RGS11: variants seen among roughly 807,000 people sequenced by gnomAD.
The protein encoded by RGS11 is regulator of G-protein signaling 11.
A neutral mutation model predicts 71.1 loss-of-function variants in RGS11; 86 were observed. The ratio of observed to expected loss-of-function variants is 1.21; its 90% CI spans 1.02 to 1.45. The LOEUF is 1.45. Among genes scored for constraint, RGS11 ranks in the 40% most tolerant of loss-of-function variants. RGS11 has a pLI of 0.00. For synonymous variants in RGS11, 298 were observed against 254.2 expected, an observed-to-expected ratio of 1.17 and a Z score of -1.64; for missense variants, 734 against 635.1, an observed-to-expected ratio of 1.16 and a Z score of -1.67.
chr16:273,760 C>T lies in RGS11; in HGVS notation c.506G>A (p.Arg169Lys). 1.9e-6 allele frequency: 3 copies of T among 1,612,418 alleles called. No homozygotes were observed. The highest frequency in any genetic ancestry group is 2.5e-6 in the Non-Finnish European group (3 of 1,179,600). The change falls in exon 7 of 17, where the codon AGG becomes AAG. Residue 169 changes from arginine to lysine, a missense_variant and splice_region_variant. Transcript: ENST00000397770. ...GGGGCGGGGCAGGGCGGGGCCTCAC[C>T]TCAGCTGCTCCCTCGCCTGCATCAG... ...LVLMQAREQL[R>K]AAKQRSKGDR...
intron 13 of RGS11, 27 bp from the exon 14 acceptor site, chr16:270,858 A>G (rs1234156297): frequency 6.2e-7 from 1 of 1,604,946 alleles, no homozygotes; most frequent in South Asian, 1.1e-5. Flanking sequence ...CCAGTCAAGG[A>G]TCCCATCGAG....
Position 269,249 on chromosome 16 carries a change from T to C in RGS11, c.*20A>G, listed in dbSNP as rs916719438. On this transcript the variant is annotated 3_prime_UTR_variant, in exon 17 of 17. Transcript: ENST00000397770. ...GGACGTTGAGCTGCAGGGACTAGAG[T>C]GGCAGATGGGCCAGGTCCACTAGGC... The C allele has an allele frequency of 1.0e-5, 15 of 1,485,628 alleles. No homozygotes were observed. The African/African-American group carries it at 1.9e-4, about 19-fold the overall frequency. The allele number at this position is 1,485,628 out of a possible 1,614,324, so 92.0% of individuals were successfully genotyped here. A position where few individuals can be genotyped will look rare whatever the true frequency, so the allele number is the denominator to read the frequency against.
intron 15 of RGS11, among the ~76,000 whole-genome samples, chr16:270,270 T>G (rs1459877737): frequency 7.2e-6 from 1 of 138,106 alleles, no homozygotes; most frequent in Non-Finnish European, 1.5e-5. Context: ...AACAAAACTT[T>G]TTAGATCGAA....
Position 269,048 on chromosome 16 carries a change from C to T in RGS11, c.*221G>A, listed in dbSNP as rs1285829850. 1 of 1,145,424 alleles carries T rather than the reference C, an allele frequency of 8.7e-7. No homozygotes were observed. Among genetic ancestry groups the T allele is most frequent in the Admixed American group, 2.0e-5 (1 of 50,442 alleles). 71.0% of individuals were successfully genotyped at this position (1,145,424 alleles called of 1,614,324 possible). On this transcript the variant is annotated 3_prime_UTR_variant, in exon 17 of 17. Transcript: ENST00000397770. ...GACCCAAGCTGAGCCAATGAACCCC[C>T]TCCCTGGGAATCCACACCTGGACCC...
intron 9 of RGS11, chr16:272,199 C>G (rs1288209685): frequency 1.7e-6 from 2 of 1,179,594 alleles, no homozygotes; most frequent in African/African-American, 3.2e-5. Flanking sequence ...TTGAGAAATA[C>G]TACTAATGGG....
chr16:272,307 GCTCT>G (rs774981027), intron 9 of RGS11: 88 of 1,280,982 alleles, frequency 6.9e-5, no homozygotes, highest in Non-Finnish European at 8.5e-5. Context: ...CTGTGTCCCC[GCTCT>G]CTCTGACCAG....
rs374813363 is a variant in RGS11 at position 274,016 on chromosome 16, C to T, written c.429+27G>A. On this transcript the variant is annotated intron_variant, in intron 6 of 16. Coordinates refer to ENST00000397770, the MANE Select transcript of RGS11 (RefSeq NM_183337.3). ...TTGGGTTCCTCCAGCTGTACCCAGC[C>T]GGGGCGGGAAGGGTGGGGGGTCCCA... 5.3e-4 allele frequency: 722 copies of T among 1,358,218 alleles called. 2 individuals are homozygous for T. The highest frequency in any genetic ancestry group is 6.8e-4 in the Middle Eastern group (3 of 4,434). 84.1% of individuals were successfully genotyped at this position (1,358,218 alleles called of 1,614,324 possible). A position where few individuals can be genotyped will look rare whatever the true frequency, so the allele number is the denominator to read the frequency against.
In RGS11 at chr16:271,096, CA is replaced by C. The variant is rs754058516; in HGVS notation, c.866del (p.Val289GlyfsTer112). 8 of 1,611,554 alleles carry C rather than the reference CA, an allele frequency of 5.0e-6. No individual in the cohort carries two copies. The highest frequency in any genetic ancestry group is 6.8e-6 in the Non-Finnish European group (8 of 1,179,396). On this transcript the variant is annotated frameshift_variant and splice_region_variant, in exon 13 of 17. Coordinates refer to ENST00000397770, the MANE Select transcript of RGS11 (RefSeq NM_183337.3). LOFTEE classifies it high-confidence loss of function. ...CCACACGGAGCTTCGTGGGGGCAGCCACCCTGGGGAGAGGGCAGGGCTGTTG... is the reference window on the plus strand; with the variant it reads ...CCACACGGAGCTTCGTGGGGGCAGCCCCCTGGGGAGAGGGCAGGGCTGTTG... ...DAYWVMNAPT[V>X]AAPTKLRVER...
chr16:274,780 G>A, intron 4 of RGS11, 196 bp downstream of exon 4: 1 of 771,804 alleles, frequency 1.3e-6, no homozygotes, highest in East Asian at 2.7e-5. Context: ...CCCTCAGCCG[G>A]GTCCTTCTCA....
At chr16:272,718 G>A in intron 9 of RGS11, 145 bp downstream of exon 9, 1 of 1,491,092 alleles carries the variant, frequency 6.7e-7, no homozygotes, top group African/African-American at 1.4e-5. Context: ...GAGTGACCGG[G>A]AGTGAGCAGG....
intron 1 of RGS11, 156 bp downstream of exon 1, chr16:275,693 C>T (rs2052148557): frequency 2.9e-6 from 1 of 347,500 alleles, no homozygotes; most frequent in Non-Finnish European, 4.1e-6. Flanking sequence ...CGGAGACCCC[C>T]AAGGGCCCCA....
chr16:275,064 G>C lies in RGS11; in HGVS notation c.230C>G (p.Ala77Gly). ...VSEEEALHLG[A>G]VLVQHGYIYP... ...GATGTAGCCATGCTGCACCAGGACGGCGCCCAGGTGCAGGGCCTCTGGGGA... is the reference window on the plus strand; with the variant it reads ...GATGTAGCCATGCTGCACCAGGACGCCGCCCAGGTGCAGGGCCTCTGGGGA... The change falls in exon 4 of 17, where the codon GCC becomes GGC. Residue 77 changes from alanine to glycine, a missense_variant. Physicochemically the swap from Ala to Gly is moderately conservative, Grantham distance 60. Coordinates refer to ENST00000397770, the MANE Select transcript of RGS11 (RefSeq NM_183337.3). 6.7e-7 allele frequency: 1 copy of C among 1,481,542 alleles called. No individual in the cohort carries two copies. 91.8% of individuals were successfully genotyped at this position (1,481,542 alleles called of 1,614,324 possible).
intron 15 of RGS11, among the ~76,000 whole-genome samples, chr16:270,186 T>C (rs2051860060): frequency 6.6e-6 from 1 of 151,986 alleles, no homozygotes; most frequent in Non-Finnish European, 1.5e-5. Context: ...GAGGTGGAGC[T>C]TGCACTGAGC....
chr16:274,152 G>C, intron 5 of RGS11, 51 bp from the exon 6 acceptor site: 2 of 1,578,826 alleles, frequency 1.3e-6, no homozygotes, highest in Non-Finnish European at 8.6e-7. Context: ...CCTGCCTCAC[G>C]GCATCACCCT....
chr16:274,844 G>T, intron 4 of RGS11, 132 bp downstream of exon 4: 1 of 1,264,540 alleles, frequency 7.9e-7, no homozygotes, highest in Non-Finnish European at 1.1e-6. Context: ...TGGACCACCA[G>T]CCCACGGCGA....
chr16:274,386 C>A, intron 4 of RGS11, 121 bp from the exon 5 acceptor site: 1 of 1,034,456 alleles, frequency 9.7e-7, no homozygotes, highest in Non-Finnish European at 1.4e-6. Context: ...TGAGGATCTC[C>A]CTGCCTGCCC....
chr16:273,953 G>A, intron 6 of RGS11, 90 bp downstream of exon 6: 1 of 1,470,268 alleles, frequency 6.8e-7, no homozygotes, highest in Admixed American at 1.8e-5. Context: ...GTATGTTCTG[G>A]GGTAAACCGT....
At chr16:274,312 C>CT in intron 4 of RGS11, 47 bp from the exon 5 acceptor site, 1 of 1,574,046 alleles carries the variant, frequency 6.4e-7, no homozygotes, top group Admixed American at 1.8e-5. Flanking sequence ...GCGTCTGTGC[C>CT]TCCCCAGTGT....
chr16:271,469 T>C lies in RGS11; in HGVS notation c.688-9A>G, dbSNP rs866504438. 1.8e-5 allele frequency: 29 copies of C among 1,613,852 alleles called. No homozygotes were observed. In the Middle Eastern group the frequency reaches 2.0e-3, roughly 110 times the overall value. On this transcript the variant is annotated splice_polypyrimidine_tract_variant and intron_variant, in intron 10 of 16. Transcript: ENST00000397770. ...TTCCTGAAGTACTCGATCTAGGATGTGGGGCCTGTGAGTCAGGTCCCGGGC... is the reference window on the plus strand; with the variant it reads ...TTCCTGAAGTACTCGATCTAGGATGCGGGGCCTGTGAGTCAGGTCCCGGGC...
Sources: allele counts gnomAD v4.1 joint callset (sites outside exome capture counted in the v4.1 genomes callset), GRCh38; gene constraint gnomAD v4.1.1; transcripts MANE v1.5; gene names NCBI Gene and HGNC (gene_info 2026-07-23, HGNC 2026-07-21).